The following GPR137 variants were observed in gnomAD, a reference collection of about 807,000 sequenced individuals.
GPR137 encodes G protein-coupled receptor 137, also known as integral membrane protein GPR137.
Under a neutral mutation model 38.9 loss-of-function variants are expected in GPR137, and 20 were observed. The observed-to-expected ratio is 0.51, with a 90% CI of 0.36 to 0.75. GPR137 has a LOEUF of 0.75. Among genes scored for constraint, GPR137 ranks in the 30% least tolerant of loss-of-function variants. The pLI, the probability that GPR137 is intolerant of heterozygous loss-of-function variation, is 0.00. For synonymous variants in GPR137, 226 were observed against 235.8 expected (o/e 0.96, Z 0.38); for missense variants, 456 against 526.4 (o/e 0.87, Z 1.31).
Position 64,286,314 on chromosome 11 carries a change from T to A in GPR137, c.-211T>A. The A allele has an allele frequency of 7.1e-7, 1 of 1,402,058 alleles. No individual in the cohort carries two copies. The allele number at this position is 1,402,058 out of a possible 1,614,324, so 86.9% of individuals were successfully genotyped here. On this transcript the variant is annotated 5_prime_UTR_variant, in exon 1 of 7. Transcript: ENST00000438980. The stretch of plus-strand genomic sequence containing the variant: ...GAGACTGCCCTTCCATGCCCCTGAG[T>A]GAGGGGCCTGGGGCCCAGGCTGCCT...
rs981102366 is a variant in GPR137, at chr11:64,288,535, G to A, written c.912+67G>A. ...CGGATGTTGCAAATCCTGGGTTGGA[G>A]TCTGGGGTTGGGCCTGGGAGGCCAG... On this transcript the variant is annotated intron_variant, in intron 5 of 6. Coordinates refer to ENST00000438980, the MANE Select transcript of GPR137 (RefSeq NM_001170880.2). This position sits in a 1 kb window ranked among gnomAD's most constrained non-coding sequence, Gnocchi z 5.5. 6.2e-6 allele frequency: 10 copies of A among 1,613,176 alleles called. No homozygotes were observed. The South Asian group carries it at 6.6e-5, about 11-fold the overall frequency.
At chr11:64,283,083 A>C (rs945899403), upstream of GPR137, among the ~76,000 whole-genome samples, 11 of 152,128 alleles carry the variant, frequency 7.2e-5, no homozygotes, top group Non-Finnish European at 1.0e-4. Flanking sequence ...AGAAAAAAAG[A>C]AAGCAAGCTA....
upstream of GPR137, chr11:64,285,175 T>TC: frequency 2.0e-6 from 2 of 988,762 alleles, no homozygotes; most frequent in Non-Finnish European, 2.4e-6. Context: ...AAAGTCCCGC[T>TC]CCCCGCTCCT....
At chr11:64,281,190 T>TCTC (rs2033444336), upstream of GPR137, among the ~76,000 whole-genome samples, 1 of 152,032 alleles carries the variant, frequency 6.6e-6, no homozygotes, top group Non-Finnish European at 1.5e-5. Flanking sequence ...ATGGTCTCTA[T>TCTC]CTCCTGACCT....
At chr11:64,272,706 A>G (rs1299838123), upstream of GPR137, 1 of 152,200 alleles carries the variant, frequency 6.6e-6, no homozygotes, top group African/African-American at 2.4e-5. Context: ...AAGCTTAGAG[A>G]GTTAAGACTT....
rs755100658 is a variant in GPR137 at position 64,289,395 on chromosome 11, G to A, written c.*199G>A. 10 of 1,553,192 alleles carry A rather than the reference G, an allele frequency of 6.4e-6. No homozygotes were observed. The highest frequency in any genetic ancestry group is 3.8e-4 in the Middle Eastern group (2 of 5,298). On this transcript the variant is annotated 3_prime_UTR_variant, in exon 7 of 7. Coordinates refer to ENST00000438980, the MANE Select transcript of GPR137 (RefSeq NM_001170880.2). ...GGGGGCATGGCCCTGGCTGCCAGAT[G>A]CCCACAGCACCCTGGCATGACCTGC... is the stretch of plus-strand genomic sequence containing the variant.
rs989644329 is a variant in GPR137, at chr11:64,287,791, C to T, written c.478C>T (p.Leu160Phe). Residue 160 changes from leucine (L) to phenylalanine (F), a missense_variant, in exon 3 of 7, where the codon CTC becomes TTC. Leu to Phe is a conservative substitution (Grantham distance 22, BLOSUM62 0). Coordinates refer to ENST00000438980, the MANE Select transcript of GPR137 (RefSeq NM_001170880.2). ...GCTGGTGAACGTGCTGTGTGCTGTG[C>T]TCTCCCATCGGCGCCGGGCACAGCC... ...FLLVNVLCAV[L>F]SHRRRAQPWA... The T allele has an allele frequency of 6.2e-7, 1 of 1,607,502 alleles. No individual in the cohort carries two copies. The highest frequency in any genetic ancestry group is 8.5e-7 in the Non-Finnish European group (1 of 1,179,918).
At chr11:64,277,845 C>A (rs2033174138) in intron 2 of GPR137, among the ~76,000 whole-genome samples, 1 of 152,196 alleles carries the variant, frequency 6.6e-6, no homozygotes, top group Non-Finnish European at 1.5e-5. Flanking sequence ...ACCTTTGTGG[C>A]CAGAGCTGAA....
At chr11:64,285,773 C>T (rs1197336019), upstream of GPR137, 23 of 985,198 alleles carry the variant, frequency 2.3e-5, no homozygotes, top group Non-Finnish European at 2.8e-5. Context: ...CGGCGCTGGA[C>T]TGCGGAGCCA....
chr11:64,284,995 C>A, upstream of GPR137: 4 of 1,306,624 alleles, frequency 3.1e-6, no homozygotes, highest in Non-Finnish European at 4.0e-6. Flanking sequence ...TTAGTTTCCC[C>A]CCAGTGAAGT....
intron 2 of GPR137, 191 bp downstream of exon 2, chr11:64,287,205 A>G: frequency 1.0e-6 from 1 of 985,126 alleles, no homozygotes; most frequent in Non-Finnish European, 1.2e-6. Context: ...AAGGCACAGG[A>G]ATAGGAATGC....
chr11:64,278,676 G>T (rs2033227787), intron 2 of GPR137, among the ~76,000 whole-genome samples: 1 of 152,198 alleles, frequency 6.6e-6, no homozygotes, highest in Non-Finnish European at 1.5e-5. Flanking sequence ...GCACTGGGCT[G>T]CTTCTTTCTG....
chr11:64,284,423 G>A (rs773671122), upstream of GPR137: 3 of 1,608,158 alleles, frequency 1.9e-6, no homozygotes, highest in Admixed American at 3.3e-5. Flanking sequence ...TGGGGCCAAC[G>A]GTGGCCCTGG....
At chr11:64,276,248 A>G (rs2033042594) in intron 1 of GPR137, 1 of 152,048 alleles carries the variant, frequency 6.6e-6, no homozygotes, top group African/African-American at 2.4e-5. Flanking sequence ...TGAATTATAT[A>G]TATGTAAATA....
upstream of GPR137, chr11:64,271,583 G>A (rs1451519387): frequency 2.1e-5 from 30 of 1,397,764 alleles, no homozygotes; most frequent in Non-Finnish European, 2.6e-5. Flanking sequence ...TGGTACTTCA[G>A]GTCCTGGCAC....
chr11:64,285,373 C>T, upstream of GPR137: 1 of 985,080 alleles, frequency 1.0e-6, no homozygotes, highest in South Asian at 4.7e-5. Context: ...TGGCAGGCGG[C>T]CGGCCAGGTG....
At position 64,286,760 on chromosome 11, in the gene GPR137, T is replaced by C. The variant is rs1422824501; in HGVS notation, c.236T>C (p.Phe79Ser). ...GCCTTGCGTACCACCCTCTTCTCCT[T>C]CTACTTCCGAGATACTCCCCGCGCC... ...WAALRTTLFS[F>S]YFRDTPRANR... is the part of the protein sequence containing the mutation. The change falls in exon 1 of 7, where the codon TTC (phenylalanine) becomes TCC (serine). Residue 79 changes from phenylalanine to serine, a missense_variant. Phe to Ser is a radical substitution (Grantham distance 155). Coordinates refer to ENST00000438980, the MANE Select transcript of GPR137 (RefSeq NM_001170880.2). 15 of 1,612,154 alleles carry C rather than the reference T, an allele frequency of 9.3e-6. No homozygotes were observed. The highest frequency in any genetic ancestry group is 1.3e-5 in the Non-Finnish European group (15 of 1,178,864).
intron 2 of GPR137, 28 bp downstream of exon 2, chr11:64,287,042 A>T: frequency 6.2e-7 from 1 of 1,609,370 alleles, no homozygotes; most frequent in Non-Finnish European, 8.5e-7. Context: ...TGGTGGGCTC[A>T]GCCTCCAGGT....
rs972158106 is a variant in GPR137 at position 64,286,321 on chromosome 11, C to T, written c.-204C>T. Reference sequence around the variant, plus strand: ...CCCTTCCATGCCCCTGAGTGAGGGGCCTGGGGCCCAGGCTGCCTGTGTTCC... The same window carrying T: ...CCCTTCCATGCCCCTGAGTGAGGGGTCTGGGGCCCAGGCTGCCTGTGTTCC... On this transcript the variant is annotated 5_prime_UTR_variant, in exon 1 of 7. Coordinates refer to ENST00000438980, the MANE Select transcript of GPR137 (RefSeq NM_001170880.2). The T allele has an allele frequency of 2.8e-6, 4 of 1,406,168 alleles. No individual in the cohort carries two copies. The African/African-American group carries it at 5.8e-5, about 20-fold the overall frequency. The allele number at this position is 1,406,168 out of a possible 1,614,324, so 87.1% of individuals were successfully genotyped here. A position where few individuals can be genotyped will look rare whatever the true frequency, so the allele number is the denominator to read the frequency against.
Sources: allele counts gnomAD v4.1 joint callset (sites outside exome capture counted in the v4.1 genomes callset), GRCh38; gene constraint gnomAD v4.1.1; non-coding constraint Gnocchi (gnomAD v3.1); transcripts MANE v1.5; gene names NCBI Gene and HGNC (gene_info 2026-07-23, HGNC 2026-07-21).